Variants in PTPRT observed in about 807,000 individuals in gnomAD.
The protein encoded by PTPRT is protein tyrosine phosphatase receptor type T, also known as receptor-type tyrosine-protein phosphatase T.
In PTPRT, 56 loss-of-function variants were observed where a neutral mutation model predicts 176.8. The ratio of observed to expected loss-of-function variants is 0.32; its 90% CI spans 0.26 to 0.40. PTPRT has a LOEUF of 0.40. PTPRT is among the 10% of genes least tolerant of loss of function. The probability of loss-of-function intolerance (pLI) is 1.00; values close to 1 mark genes in which losing one functional copy is unlikely to be tolerated. For synonymous variants in PTPRT, 783 were observed against 739.0 expected (o/e 1.06, Z -0.96); for missense variants, 1,540 against 1,908.2 (o/e 0.81, Z 3.60).
chr20:42,188,060 A>G (rs1990850586), intron 16 of PTPRT, among the ~76,000 whole-genome samples: 1 of 152,204 alleles, frequency 6.6e-6, no homozygotes, highest in African/African-American at 2.4e-5. Context: ...CCCAGAGTCC[A>G]CTGCCAACCT....
chr20:42,806,633 GT>G (rs1158702647), intron 2 of PTPRT, among the ~76,000 whole-genome samples: 2 of 152,096 alleles, frequency 1.3e-5, no homozygotes, highest in Non-Finnish European at 2.9e-5. Context: ...AGGCCGAAAA[GT>G]TTTTGTTAAC....
At chr20:42,166,050 C>T (rs1329512896) in intron 16 of PTPRT, among the ~76,000 whole-genome samples, 1 of 152,148 alleles carries the variant, frequency 6.6e-6, no homozygotes, top group Non-Finnish European at 1.5e-5. Context: ...GCTTTGAAAT[C>T]CAACGTGTAT....
At position 42,336,602 on chromosome 20, in the gene PTPRT, A is replaced by AT. The variant is rs1192622611; in HGVS notation, c.1865+14025dup. On this transcript the variant is annotated intron_variant, in intron 11 of 30. Transcript: ENST00000373187. The stretch of plus-strand genomic sequence containing the variant: ...AAGGCACTCAGTACACTGTAGTTCA[A>AT]TTTTTTTCATTTCAGTAATTGCATT... Among the ~76,000 whole-genome samples the AT allele has an allele frequency of 3.3e-5, 5 of 152,228 alleles. No individual in the cohort carries two copies. In the East Asian group the frequency reaches 5.8e-4, roughly 18 times the overall value.
At position 42,128,860 on chromosome 20, in the gene PTPRT, G is replaced by A. The variant is rs148975827; in HGVS notation, c.2771-30C>T. 4.6e-5 allele frequency: 72 copies of A among 1,568,752 alleles called. No individual in the cohort carries two copies. The East Asian group carries it at 1.6e-3, about 35-fold the overall frequency. ...AGAGAGAGCAGAAATCAAGGGGATG[G>A]TTGATAAGAGGCCTTACGCAGCTAA... is the stretch of plus-strand genomic sequence containing the variant. On this transcript the variant is annotated intron_variant, in intron 18 of 30. Transcript: ENST00000373187.
intron 8 of PTPRT, among the ~76,000 whole-genome samples, chr20:42,470,964 G>A (rs1336062245): frequency 1.3e-5 from 2 of 152,156 alleles, no homozygotes; most frequent in East Asian, 3.9e-4. Flanking sequence ...GAGGCTCCTA[G>A]GCTGGCTTTC....
At chr20:42,341,743 G>C (rs2058114085) in intron 11 of PTPRT, among the ~76,000 whole-genome samples, 1 of 152,134 alleles carries the variant, frequency 6.6e-6, no homozygotes, top group Non-Finnish European at 1.5e-5. Flanking sequence ...AGTCCCTATG[G>C]TAGGAGGTGA....
At chr20:42,933,547 T>G (rs879394307) in intron 1 of PTPRT, among the ~76,000 whole-genome samples, 1 of 152,206 alleles carries the variant, frequency 6.6e-6, no homozygotes, top group East Asian at 1.9e-4. Flanking sequence ...ATTGATTGAC[T>G]AAACTCACCT....
chr20:42,743,132 T>C (rs959719447), intron 6 of PTPRT, among the ~76,000 whole-genome samples: 1 of 152,122 alleles, frequency 6.6e-6, no homozygotes, highest in Non-Finnish European at 1.5e-5. Context: ...GCTCTGCCAA[T>C]AACTGCCTGC....
At chr20:42,544,517 ATGT>A (rs1301217209) in intron 7 of PTPRT, among the ~76,000 whole-genome samples, 1 of 152,124 alleles carries the variant, frequency 6.6e-6, no homozygotes, top group African/African-American at 2.4e-5. Context: ...CAAACTCTCT[ATGT>A]ATCAGCAATA....
rs988719945 is a variant in PTPRT at position 42,678,027 on chromosome 20, G to A, written c.992C>T (p.Thr331Ile). The A allele has an allele frequency of 3.7e-6, 6 of 1,614,072 alleles. No individual in the cohort carries two copies. The Admixed American group carries it at 5.0e-5, about 13-fold the overall frequency. ...TATGTGGGTCTCTGCCCACGTGCCT[G>A]TGGTGGTGCGATATTCCACTTCCTT... ...ILKEVEYRTT[T>I]GTWAETHIVD... is the part of the protein sequence containing the mutation. The change falls in exon 7 of 31, where the codon ACA becomes ATA. Residue 331 changes from threonine to isoleucine, a missense_variant. By Grantham distance (89) the Thr-to-Ile change is moderately conservative. Around this residue, in one of 11 missense-constraint regions of PTPRT, gnomAD observed 273 missense variants for 432.1 expected, o/e 0.63. Transcript: ENST00000373187.
chr20:42,179,374 A>C (rs945302111), intron 16 of PTPRT, among the ~76,000 whole-genome samples: 3 of 152,210 alleles, frequency 2.0e-5, no homozygotes, highest in Non-Finnish European at 4.4e-5. Flanking sequence ...TTTTTCAAGG[A>C]AAGTAAATGG....
chr20:42,213,178 C>T (rs568672976), intron 15 of PTPRT, among the ~76,000 whole-genome samples: 1 of 152,346 alleles, frequency 6.6e-6, no homozygotes, highest in East Asian at 1.9e-4. Context: ...GAATCAGAAA[C>T]TCTAGGTGAT....
chr20:42,364,995 A>G (rs1816660582), intron 9 of PTPRT, among the ~76,000 whole-genome samples: 1 of 152,200 alleles, frequency 6.6e-6, no homozygotes, highest in South Asian at 2.1e-4. Context: ...TAGAAATAGG[A>G]TGTGAGCCAC....
At chr20:42,197,401 A>AAAAAAAAAAAAAAAAAAAAAAAAAAAG (rs1991272468) in intron 16 of PTPRT, among the ~76,000 whole-genome samples, 1 of 147,462 alleles carries the variant, frequency 6.8e-6, no homozygotes. Flanking sequence ...AAAAAAAAAA[A>AAAAAAAAAAAAAAAAAAAAAAAAAAAG]GTCAGTATCC....
intron 1 of PTPRT, among the ~76,000 whole-genome samples, chr20:42,901,463 T>G (rs930938455): frequency 1.3e-5 from 2 of 152,168 alleles, no homozygotes; most frequent in African/African-American, 4.8e-5. Flanking sequence ...CACTTGTGTA[T>G]GTCCACACTG....
intron 2 of PTPRT, among the ~76,000 whole-genome samples, chr20:42,813,398 T>C (rs1453055450): frequency 1.3e-5 from 2 of 151,916 alleles, no homozygotes; most frequent in African/African-American, 2.4e-5. Context: ...CTTCCTTCCT[T>C]CCTTGCCCCC....
At chr20:42,486,602 T>C (rs2071468344) in intron 7 of PTPRT, among the ~76,000 whole-genome samples, 1 of 152,192 alleles carries the variant, frequency 6.6e-6, no homozygotes, top group Non-Finnish European at 1.5e-5. Context: ...ACCATAGTGC[T>C]GTATAACAAA....
At chr20:42,944,316 C>T (rs997870012) in intron 1 of PTPRT, among the ~76,000 whole-genome samples, 1 of 152,174 alleles carries the variant, frequency 6.6e-6, no homozygotes, top group African/African-American at 2.4e-5. Context: ...GAGAGGAATA[C>T]AAGAACCTGC....
intron 16 of PTPRT, among the ~76,000 whole-genome samples, chr20:42,183,930 C>T (rs1477186774): frequency 6.6e-6 from 1 of 152,070 alleles, no homozygotes; most frequent in African/African-American, 2.4e-5. Flanking sequence ...ATGAGTCTGT[C>T]CTGTTGCTAG....
Sources: allele counts gnomAD v4.1 joint callset (sites outside exome capture counted in the v4.1 genomes callset), GRCh38; gene constraint gnomAD v4.1.1; regional missense constraint gnomAD v4.1.1; transcripts MANE v1.5; gene names NCBI Gene and HGNC (gene_info 2026-07-23, HGNC 2026-07-21).